The following TANGO6 variants were observed in gnomAD, a reference collection of about 807,000 sequenced individuals.
TANGO6 encodes transport and golgi organization 6 homolog.
TANGO6 carries 90 observed loss-of-function variants against 114.2 expected under a neutral mutation model. That is an observed-to-expected ratio of 0.79 (90% CI 0.66 to 0.94). The LOEUF is 0.94. Ranked by LOEUF, TANGO6 falls within the 40% of genes least tolerant of loss-of-function variation. TANGO6 has a pLI of 0.00. For synonymous variants in TANGO6, 477 were observed against 509.8 expected, an observed-to-expected ratio of 0.94 and a Z score of 0.87; for missense variants, 1,274 against 1,315.3, an observed-to-expected ratio of 0.97 and a Z score of 0.49.
At chr16:68,888,095 A>G (rs921200411) in intron 7 of TANGO6, among the ~76,000 whole-genome samples, 1 of 152,114 alleles carries the variant, frequency 6.6e-6, no homozygotes, top group Non-Finnish European at 1.5e-5. Flanking sequence ...TTGAATTGAA[A>G]ACCTAGCATA....
At position 69,084,805 on chromosome 16, in the gene TANGO6, C is replaced by T. The variant is rs1000471558; in HGVS notation, c.*1144C>T. The T allele has an allele frequency of 1.3e-5, 2 of 152,474 alleles. No individual in the cohort carries two copies. 9.4% of individuals were successfully genotyped at this position (152,474 alleles called of 1,614,324 possible). A position where few individuals can be genotyped will look rare whatever the true frequency, so the allele number is the denominator to read the frequency against. The stretch of plus-strand genomic sequence containing the variant: ...CTGGGGTGACTAGATCCACAGGAAC[C>T]AAAACGCAGTTTCCAAAAGCTCGAG... On this transcript the variant is annotated 3_prime_UTR_variant, in exon 18 of 18. Transcript: ENST00000261778.
At chr16:68,986,861 C>T (rs182912424) in intron 15 of TANGO6, among the ~76,000 whole-genome samples, 4 of 152,204 alleles carry the variant, frequency 2.6e-5, no homozygotes, top group East Asian at 1.9e-4. Flanking sequence ...GCCAGGATTG[C>T]GCCACTGCAC....
intron 14 of TANGO6, among the ~76,000 whole-genome samples, chr16:68,970,154 GT>G (rs1963688209): frequency 6.6e-6 from 1 of 152,088 alleles, no homozygotes; most frequent in South Asian, 2.1e-4. Context: ...AGTGGGTATA[GT>G]TAGCCCACTC....
At chr16:68,882,161 C>T (rs1265054637) in intron 7 of TANGO6, among the ~76,000 whole-genome samples, 2 of 151,920 alleles carry the variant, frequency 1.3e-5, no homozygotes, top group Non-Finnish European at 2.9e-5. Context: ...CATATGGGCC[C>T]AGCAATTCCA....
At chr16:69,037,478 G>A (rs2152233418) in intron 16 of TANGO6, among the ~76,000 whole-genome samples, 1 of 152,336 alleles carries the variant, frequency 6.6e-6, no homozygotes, top group Non-Finnish European at 1.5e-5. Context: ...TTAGCCATCA[G>A]ACCAAATAAA....
intron 14 of TANGO6, among the ~76,000 whole-genome samples, chr16:68,934,918 T>G (rs562203591): frequency 8.5e-5 from 13 of 152,252 alleles, no homozygotes; most frequent in African/African-American, 2.9e-4. Context: ...TTTTAGTAAT[T>G]TTCGTTGGTG....
At chr16:68,853,487 C>T (rs1193608891) in intron 1 of TANGO6, among the ~76,000 whole-genome samples, 4 of 152,028 alleles carry the variant, frequency 2.6e-5, no homozygotes, top group Non-Finnish European at 4.4e-5. Flanking sequence ...GTTTTTTAAC[C>T]CGTAGATTAG....
intron 16 of TANGO6, among the ~76,000 whole-genome samples, chr16:69,024,927 C>T (rs778004047): frequency 1.2e-4 from 18 of 152,160 alleles, no homozygotes; most frequent in Non-Finnish European, 2.6e-4. Flanking sequence ...CCCGCATTAG[C>T]CTCTTGAGTA....
intron 7 of TANGO6, among the ~76,000 whole-genome samples, chr16:68,891,047 T>G (rs1962607330): frequency 1.4e-5 from 2 of 143,848 alleles, no homozygotes; most frequent in African/African-American, 2.6e-5. Context: ...AAAAAAAGAC[T>G]TTGGGAGGCC....
intron 15 of TANGO6, among the ~76,000 whole-genome samples, chr16:69,010,560 G>C (rs930235755): frequency 5.9e-5 from 9 of 152,054 alleles, no homozygotes; most frequent in African/African-American, 2.2e-4. Context: ...CCACCACCTT[G>C]CCTCTGCTGT....
At chr16:69,007,205 C>A (rs556655819) in intron 15 of TANGO6, 1 of 146,166 alleles carries the variant, frequency 6.8e-6, no homozygotes, top group South Asian at 2.2e-4. Flanking sequence ...TAATTCATTT[C>A]TTTTTATTGC....
intron 14 of TANGO6, among the ~76,000 whole-genome samples, chr16:68,942,151 G>A (rs949492295): frequency 9.9e-5 from 15 of 152,094 alleles, no homozygotes; most frequent in African/African-American, 3.4e-4. Context: ...CCAACATGGC[G>A]AAACCCCATC....
chr16:68,924,301 G>A (rs117785015), intron 12 of TANGO6, among the ~76,000 whole-genome samples: 1,983 of 152,274 alleles, frequency 0.013, 16 homozygotes, highest in Non-Finnish European at 0.02. Context: ...AGTGGCTCAC[G>A]CCTATAATCC....
chr16:69,079,201 A>T (rs1429589155), intron 17 of TANGO6, among the ~76,000 whole-genome samples: 1 of 151,970 alleles, frequency 6.6e-6, no homozygotes, highest in East Asian at 1.9e-4. Context: ...ATGGTGGCGC[A>T]TGCCTGTAAT....
At chr16:69,070,932 C>T (rs947923826) in intron 17 of TANGO6, among the ~76,000 whole-genome samples, 9 of 151,838 alleles carry the variant, frequency 5.9e-5, no homozygotes, top group African/African-American at 1.7e-4. Context: ...CACCACCATG[C>T]CCAGCTAATT....
At chr16:68,891,954 G>C in intron 7 of TANGO6, among the ~76,000 whole-genome samples, 1 of 149,284 alleles carries the variant, frequency 6.7e-6, no homozygotes, top group Non-Finnish European at 1.5e-5. Flanking sequence ...AGGAAGGAAG[G>C]CAGGGAGGAG....
chr16:68,887,220 T>C (rs1196389888), intron 7 of TANGO6, among the ~76,000 whole-genome samples: 1 of 152,236 alleles, frequency 6.6e-6, no homozygotes, highest in African/African-American at 2.4e-5. Context: ...GTCTATTTTA[T>C]CTTGGTGCCT....
intron 16 of TANGO6, among the ~76,000 whole-genome samples, chr16:69,029,304 A>G (rs1959555420): frequency 6.6e-6 from 1 of 152,228 alleles, no homozygotes; most frequent in South Asian, 2.1e-4. Flanking sequence ...ACTTGCATTC[A>G]CTTGAGCAAA....
intron 14 of TANGO6, among the ~76,000 whole-genome samples, chr16:68,936,231 T>C (rs1963298171): frequency 6.6e-6 from 1 of 152,310 alleles, no homozygotes; most frequent in South Asian, 2.1e-4. Flanking sequence ...TCCCATAGTG[T>C]ACATTAGATA....
Sources: allele counts gnomAD v4.1 joint callset (sites outside exome capture counted in the v4.1 genomes callset), GRCh38; gene constraint gnomAD v4.1.1; transcripts MANE v1.5; gene names NCBI Gene and HGNC (gene_info 2026-07-23, HGNC 2026-07-21).